The following ALK variants were observed in gnomAD, a reference collection of about 807,000 sequenced individuals.
The protein encoded by ALK is ALK receptor tyrosine kinase.
A neutral mutation model predicts 163.1 loss-of-function variants in ALK; 74 were observed. The observed-to-expected ratio is 0.45, with a 90% CI of 0.38 to 0.55. ALK has a LOEUF of 0.55. ALK is among the 20% of genes least tolerant of loss of function. The pLI is 0.00. For missense variants in ALK, 2,063 were observed against 2,105.3 expected (o/e 0.98, Z 0.39); for synonymous variants, 960 against 843.2 (o/e 1.14, Z -2.40).
At chr2:29,834,254 A>T (rs1439690089) in intron 1 of ALK, among the ~76,000 whole-genome samples, 1 of 152,154 alleles carries the variant, frequency 6.6e-6, no homozygotes, top group Non-Finnish European at 1.5e-5. Context: ...CTCTAATCAC[A>T]CAGTATGTTT....
At chr2:29,308,058 T>C (rs924987548) in intron 8 of ALK, among the ~76,000 whole-genome samples, 1 of 151,930 alleles carries the variant, frequency 6.6e-6, no homozygotes, top group African/African-American at 2.4e-5. Flanking sequence ...TTTTCTTCTG[T>C]GGTCTTTTCT....
intron 3 of ALK, among the ~76,000 whole-genome samples, chr2:29,598,476 G>T (rs917434550): frequency 1.3e-5 from 2 of 152,188 alleles, no homozygotes; most frequent in Non-Finnish European, 2.9e-5. Flanking sequence ...AAAACAGCTT[G>T]TTCTTATCCT....
At chr2:29,367,836 A>C (rs540358084) in intron 5 of ALK, among the ~76,000 whole-genome samples, 1 of 152,374 alleles carries the variant, frequency 6.6e-6, no homozygotes, top group South Asian at 2.1e-4. Context: ...GCCTATAATT[A>C]CAAAGTTGAA....
intron 4 of ALK, among the ~76,000 whole-genome samples, chr2:29,440,803 G>A (rs11895417): frequency 6.6e-6 from 1 of 152,162 alleles, no homozygotes; most frequent in Non-Finnish European, 1.5e-5. Flanking sequence ...GAACACAAGC[G>A]CAAAGGTAGA....
At chr2:29,265,703 C>T (rs765548372) in intron 11 of ALK, among the ~76,000 whole-genome samples, 9 of 152,158 alleles carry the variant, frequency 5.9e-5, no homozygotes, top group Non-Finnish European at 7.3e-5. Flanking sequence ...AAAAACAAAT[C>T]AGAGCTGGGC....
intron 8 of ALK, among the ~76,000 whole-genome samples, chr2:29,314,976 T>A (rs563094649): frequency 6.6e-6 from 1 of 152,144 alleles, no homozygotes; most frequent in African/African-American, 2.4e-5. Context: ...TGAAAGCCAC[T>A]GCAAGCCTTC....
intron 1 of ALK, among the ~76,000 whole-genome samples, chr2:29,739,068 C>G (rs774523961): frequency 1.3e-5 from 2 of 151,328 alleles, no homozygotes; most frequent in Non-Finnish European, 2.9e-5. Context: ...GAGACCCTGT[C>G]TCTTCAAAAA....
intron 1 of ALK, among the ~76,000 whole-genome samples, chr2:29,781,410 C>G (rs2339474): frequency 0.94 from 142,594 of 152,206 alleles, 66,890 homozygotes; most frequent in Middle Eastern, 0.97. Flanking sequence ...TGCCAGTTTC[C>G]CCATCCTCCT....
chr2:29,717,189 A>AAG (rs10670332), intron 2 of ALK, among the ~76,000 whole-genome samples: 12,895 of 141,200 alleles, frequency 0.091, 1,883 homozygotes, highest in African/African-American at 0.28. Flanking sequence ...AAAAAAAAAA[A>AAG]AGAGAGAGAG....
Position 29,193,014 on chromosome 2 carries a change from A to AG in ALK, c.*209_*210insC, listed in dbSNP as rs1668909493. 2 of 596,242 alleles carry AG rather than the reference A, an allele frequency of 3.4e-6. No homozygotes were observed. Among genetic ancestry groups the AG allele is most frequent in the Admixed American group, 2.9e-5 (1 of 34,192 alleles). The allele number at this position is 596,242 out of a possible 1,614,324, so 36.9% of individuals were successfully genotyped here. A position where few individuals can be genotyped will look rare whatever the true frequency, so the allele number is the denominator to read the frequency against. ...CTTGTATTTATCACTCATTTTTATG[A>AG]TATTTTCTTCTTTCGAAAGAATAGG... On this transcript the variant is annotated 3_prime_UTR_variant, in exon 29 of 29. Coordinates refer to ENST00000389048, the MANE Select transcript of ALK (RefSeq NM_004304.5).
At chr2:29,205,757 A>T (rs938066510) in intron 26 of ALK, among the ~76,000 whole-genome samples, 34 of 152,084 alleles carry the variant, frequency 2.2e-4, no homozygotes, top group Non-Finnish European at 4.6e-4. Context: ...ATGATCCAGG[A>T]CAGCTGCCCC....
chr2:29,430,536 C>T (rs1006712357), intron 4 of ALK, among the ~76,000 whole-genome samples: 3 of 152,178 alleles, frequency 2.0e-5, no homozygotes, highest in Non-Finnish European at 2.9e-5. Context: ...ATAAGCATGG[C>T]TGTGTTCCAA....
intron 3 of ALK, among the ~76,000 whole-genome samples, chr2:29,666,834 C>T (rs1677526967): frequency 6.6e-6 from 1 of 151,952 alleles, no homozygotes; most frequent in South Asian, 2.1e-4. Context: ...TCTTCCCCTT[C>T]ACCCCCCTTC....
intron 4 of ALK, among the ~76,000 whole-genome samples, chr2:29,484,444 C>A (rs1167984044): frequency 6.6e-6 from 1 of 152,112 alleles, no homozygotes; most frequent in East Asian, 1.9e-4. Context: ...TAAATCAGAT[C>A]AGTTTAAAGT....
Position 29,685,920 on chromosome 2 carries a change from C to A in ALK, c.952+8930G>T, listed in dbSNP as rs568342501. ...ACGGCTTCTTCCTCCATCTTCAAAT[C>A]CAGCAATGTGACCTCCTTAAATCTC... On this transcript the variant is annotated intron_variant, in intron 3 of 28. Transcript: ENST00000389048. Among the ~76,000 whole-genome samples, 3 of 152,292 alleles carry A rather than the reference C, an allele frequency of 2.0e-5. No individual in the cohort carries two copies. In the East Asian group the frequency reaches 5.8e-4, roughly 29 times the overall value.
chr2:29,428,672 C>G (rs887816274), intron 4 of ALK, among the ~76,000 whole-genome samples: 1 of 151,942 alleles, frequency 6.6e-6, no homozygotes, highest in Non-Finnish European at 1.5e-5. Flanking sequence ...ATCTTCACTA[C>G]TGAATTATGT....
rs1667955289 is a variant in ALK at position 29,920,268 on chromosome 2, G to C, written c.392C>G (p.Ser131Cys). 6.3e-7 allele frequency: 1 copy of C among 1,596,962 alleles called. No individual in the cohort carries two copies. The highest frequency in any genetic ancestry group is 2.3e-5 in the East Asian group (1 of 44,116). Residue 131 changes from serine to cysteine, a missense_variant, in exon 1 of 29, where the codon TCC (serine) becomes TGC (cysteine). Physicochemically the swap from Ser to Cys is moderately radical, Grantham distance 112. This residue lies in a region of ALK where 987 missense variants were observed against 939.5 expected (regional missense o/e 1.05). Coordinates refer to ENST00000389048, the MANE Select transcript of ALK (RefSeq NM_004304.5). ...CTTGGCACGCCGGAGCTTGCGCACG[G>C]AGCCGCCCTTCAGCACCCTGGACAG... is the stretch of plus-strand genomic sequence containing the variant. ...RTLSRVLKGG[S>C]VRKLRRAKQL... is the part of the protein sequence containing the mutation.
chr2:29,304,426 C>T (rs577770934), intron 8 of ALK, among the ~76,000 whole-genome samples: 2 of 140,530 alleles, frequency 1.4e-5, no homozygotes, highest in African/African-American at 2.6e-5. Context: ...ACCTGGGAGG[C>T]GGAGGTTGTA....
intron 26 of ALK, 98 bp downstream of exon 26, chr2:29,207,070 CCTA>C: frequency 1.1e-6 from 1 of 873,556 alleles, no homozygotes. Flanking sequence ...CTTTTCCCTC[CCTA>C]CTAACACACG....
Sources: allele counts gnomAD v4.1 joint callset (sites outside exome capture counted in the v4.1 genomes callset), GRCh38; gene constraint gnomAD v4.1.1; regional missense constraint gnomAD v4.1.1; transcripts MANE v1.5; gene names NCBI Gene and HGNC (gene_info 2026-07-23, HGNC 2026-07-21).